CEP68: variants seen among roughly 807,000 people sequenced by gnomAD.
CEP68 encodes centrosomal protein of 68 kDa.
In CEP68, 26 loss-of-function variants were observed where a neutral mutation model predicts 55.3. That is an observed-to-expected ratio of 0.47 (90% confidence interval 0.34 to 0.65). CEP68 has a LOEUF of 0.65. Among genes scored for constraint, CEP68 ranks in the 30% least tolerant of loss-of-function variants. The probability of loss-of-function intolerance (pLI) is 0.01; values close to 1 mark genes in which losing one functional copy is unlikely to be tolerated. For missense variants in CEP68, 957 were observed against 946.7 expected (o/e 1.01, Z -0.14); for synonymous variants, 402 against 383.2 (o/e 1.05, Z -0.57).
chr2:65,056,624 C>G (rs932755015), intron 1 of CEP68, 96 bp downstream of exon 1: 1 of 152,066 alleles, frequency 6.6e-6, no homozygotes, highest in Admixed American at 6.6e-5. Context: ...CCGGCCCCCT[C>G]CCCCGCGTCT....
intron 5 of CEP68, chr2:65,080,662 A>C: frequency 2.0e-6 from 1 of 505,156 alleles, no homozygotes; most frequent in Non-Finnish European, 2.6e-6. Flanking sequence ...TACTAAAAGT[A>C]AAAAAATTAG....
intron 1 of CEP68, 118 bp from the exon 2 acceptor site, chr2:65,069,281 C>T: frequency 1.7e-6 from 1 of 593,462 alleles, no homozygotes; most frequent in Non-Finnish European, 2.9e-6. Context: ...AAGTAGTCAC[C>T]ATTTGTTTCC....
At chr2:65,071,095 A>ATCTCG in intron 2 of CEP68, 1 of 269,360 alleles carries the variant, frequency 3.7e-6, no homozygotes, top group Admixed American at 5.0e-5. Flanking sequence ...TTAGCGACAG[A>ATCTCG]GTGATTGAGG....
At chr2:65,073,025 T>G in intron 3 of CEP68, 45 bp downstream of exon 3, 2 of 1,597,998 alleles carry the variant, frequency 1.3e-6, no homozygotes, top group Non-Finnish European at 1.7e-6. Flanking sequence ...AGGTGTCTTG[T>G]CTCTTCCCCC....
intron 6 of CEP68, among the ~76,000 whole-genome samples, chr2:65,082,910 C>T (rs1222108644): frequency 6.6e-6 from 1 of 152,194 alleles, no homozygotes; most frequent in African/African-American, 2.4e-5. Flanking sequence ...TTACTGTTCA[C>T]CCCTGCTGCC....
chr2:65,076,229 C>G (rs191771169), intron 4 of CEP68, among the ~76,000 whole-genome samples: 305 of 152,286 alleles, frequency 2.0e-3, no homozygotes, highest in Non-Finnish European at 3.1e-3. Context: ...AGTACCACTA[C>G]AGAGAGAGGA....
At chr2:65,062,332 G>A (rs1407211798) in intron 1 of CEP68, among the ~76,000 whole-genome samples, 1 of 152,168 alleles carries the variant, frequency 6.6e-6, no homozygotes, top group Non-Finnish European at 1.5e-5. Context: ...CCGGGAGTTC[G>A]AGAGCAGCCT....
chr2:65,071,811 G>A lies in CEP68; in HGVS notation c.715G>A (p.Val239Met). ...GGTCGTCCCCCAGGAACCTTCCTCT[G>A]TGGTGGGGCTAGGACCTCGGCCCCA... Reference protein sequence around the residue: ...EPVVPQEPSSVVGLGPRPQWS... With the variant: ...EPVVPQEPSSMVGLGPRPQWS... The change falls in exon 3 of 7, where the codon GTG becomes ATG. Residue 239 changes from valine to methionine, a missense_variant. Physicochemically the swap from Val to Met is conservative, Grantham distance 21 (BLOSUM62 1). Transcript: ENST00000377990. 3 of 1,607,442 alleles carry A rather than the reference G, an allele frequency of 1.9e-6. No homozygotes were observed. Among genetic ancestry groups the A allele is most frequent in the African/African-American group, 2.7e-5 (2 of 74,878 alleles).
At chr2:65,073,876 T>G (rs1281547134) in intron 3 of CEP68, 1 of 183,156 alleles carries the variant, frequency 5.5e-6, no homozygotes, top group African/African-American at 2.4e-5. Flanking sequence ...AAAGTTGTTC[T>G]TCGCTATAGC....
Position 65,069,741 on chromosome 2 carries a change from CA to C in CEP68, c.298del (p.Ser100ValfsTer36). On this transcript the variant is annotated frameshift_variant, in exon 2 of 7. Transcript: ENST00000377990. LOFTEE classifies it high-confidence loss of function. ...PVAERSEPAL[S>X]GLPPATMGSG... ...TAGCTGAGAGGTCTGAGCCTGCACT[CA>C]GTGGCCTGCCTCCTGCCACCATGGG... 6.2e-7 allele frequency: 1 copy of C among 1,614,104 alleles called. No individual in the cohort carries two copies. The highest frequency in any genetic ancestry group is 8.5e-7 in the Non-Finnish European group (1 of 1,180,040).
chr2:65,065,968 A>AAC (rs1301099102), intron 1 of CEP68, among the ~76,000 whole-genome samples: 1 of 151,904 alleles, frequency 6.6e-6, no homozygotes. Context: ...AAAAAAAAAA[A>AAC]AAAACACAAG....
At chr2:65,068,611 C>T (rs1676309135) in intron 1 of CEP68, among the ~76,000 whole-genome samples, 1 of 152,160 alleles carries the variant, frequency 6.6e-6, no homozygotes, top group Admixed American at 6.5e-5. Context: ...GATGTGGTTT[C>T]TGTGCTTTGA....
At chr2:65,064,179 T>A (rs1024334414) in intron 1 of CEP68, among the ~76,000 whole-genome samples, 1 of 152,230 alleles carries the variant, frequency 6.6e-6, no homozygotes, top group African/African-American at 2.4e-5. Flanking sequence ...TTTGTGTGTA[T>A]CCTTGTAAGT....
At chr2:65,080,814 G>C (rs747014583) in intron 5 of CEP68, among the ~76,000 whole-genome samples, 8 of 151,950 alleles carry the variant, frequency 5.3e-5, no homozygotes, top group Non-Finnish European at 1.2e-4. Context: ...GTAAGACTCC[G>C]TCTCAAAATA....
intron 1 of CEP68, among the ~76,000 whole-genome samples, chr2:65,058,706 C>T (rs2103738777): frequency 6.6e-6 from 1 of 151,912 alleles, no homozygotes. Context: ...AGGGTTTCGC[C>T]ATGTTGTCCA....
rs763990694 is a variant in CEP68 at position 65,082,647 on chromosome 2, C to T, written c.2216C>T (p.Thr739Ile). ...LASLDMLAGC[T>I]LIPDKKPMAA... Reference sequence around the variant, plus strand: ...TCTCTGGACATGCTGGCTGGCTGCACCCTTATCCCTGACAAAAAGCCCATG... The same window carrying T: ...TCTCTGGACATGCTGGCTGGCTGCATCCTTATCCCTGACAAAAAGCCCATG... Residue 739 changes from threonine to isoleucine, a missense_variant, in exon 6 of 7, where the codon ACC becomes ATC. By Grantham distance (89) the Thr-to-Ile change is moderately conservative (BLOSUM62 -1). Coordinates refer to ENST00000377990, the MANE Select transcript of CEP68 (RefSeq NM_015147.3). 2.3e-5 allele frequency: 37 copies of T among 1,611,096 alleles called. No individual in the cohort carries two copies. The Admixed American group carries it at 5.7e-4, about 25-fold the overall frequency.
intron 1 of CEP68, among the ~76,000 whole-genome samples, 198 bp downstream of exon 1, chr2:65,056,726 C>T (rs1193489889): frequency 6.6e-6 from 1 of 152,078 alleles, no homozygotes; most frequent in Non-Finnish European, 1.5e-5. Context: ...GGCGGGGGCG[C>T]CTCGTGCCTT....
intron 1 of CEP68, among the ~76,000 whole-genome samples, chr2:65,056,954 A>C (rs895285629): frequency 1.3e-5 from 2 of 152,194 alleles, no homozygotes. Context: ...CCAGCTCCCC[A>C]GTCGGGGCTA....
chr2:65,077,925 G>A lies in CEP68; in HGVS notation c.2065G>A (p.Gly689Arg). The A allele has an allele frequency of 6.2e-7, 1 of 1,613,980 alleles. No individual in the cohort carries two copies. The highest frequency in any genetic ancestry group is 8.5e-7 in the Non-Finnish European group (1 of 1,179,892). The stretch of plus-strand genomic sequence containing the variant: ...TCTGACGGAGAGTGTCTTACAGAAG[G>A]GGGAGATTCTTCTTCAGTGCCTGTT... ...QSLTESVLQK[G>R]EILLQCLLEN... Residue 689 changes from glycine to arginine, a missense_variant, in exon 5 of 7, where the codon GGG becomes AGG. Gly to Arg is a moderately radical substitution (Grantham distance 125). Transcript: ENST00000377990.
Sources: allele counts gnomAD v4.1 joint callset (sites outside exome capture counted in the v4.1 genomes callset), GRCh38; gene constraint gnomAD v4.1.1; transcripts MANE v1.5; gene names NCBI Gene and HGNC (gene_info 2026-07-23, HGNC 2026-07-21).